Variants in CTNNA2 observed in about 807,000 individuals in gnomAD.
CTNNA2 encodes catenin alpha-2.
A neutral mutation model predicts 101.0 loss-of-function variants in CTNNA2; 42 were observed. The observed-to-expected ratio is 0.42, with a 90% CI of 0.32 to 0.54. CTNNA2 has a LOEUF of 0.54. CTNNA2 is among the 20% of genes least tolerant of loss of function. The pLI, the probability that CTNNA2 is intolerant of heterozygous loss-of-function variation, is 0.14. For missense variants in CTNNA2, 871 were observed against 1,223.1 expected, an observed-to-expected ratio of 0.71 and a Z score of 4.29; for synonymous variants, 450 against 456.4, an observed-to-expected ratio of 0.99 and a Z score of 0.18.
chr2:80,449,097 C>T (rs950972800), intron 9 of CTNNA2, among the ~76,000 whole-genome samples: 8 of 152,014 alleles, frequency 5.3e-5, no homozygotes, highest in African/African-American at 1.9e-4. Flanking sequence ...TAGCAGCCTG[C>T]TTAAGATATC....
intron 3 of CTNNA2, among the ~76,000 whole-genome samples, chr2:79,314,467 TA>T (rs943241661): frequency 1.3e-5 from 2 of 152,042 alleles, no homozygotes; most frequent in African/African-American, 2.4e-5. Context: ...TAAACAGCAA[TA>T]AAAAAAATTC....
At chr2:79,368,108 C>T (rs1677790091) in intron 3 of CTNNA2, among the ~76,000 whole-genome samples, 1 of 152,188 alleles carries the variant, frequency 6.6e-6, no homozygotes, top group African/African-American at 2.4e-5. Context: ...TACCTGTGGA[C>T]ATAGAAGACT....
chr2:79,271,381 C>T (rs1368952), intron 2 of CTNNA2, among the ~76,000 whole-genome samples: 22,435 of 151,912 alleles, frequency 0.15, 1,962 homozygotes, highest in South Asian at 0.26. Flanking sequence ...GCTTTTGTGA[C>T]ATAACAGATA....
chr2:80,514,136 C>T (rs1010128180), intron 9 of CTNNA2, among the ~76,000 whole-genome samples: 1 of 152,134 alleles, frequency 6.6e-6, no homozygotes, highest in East Asian at 1.9e-4. Flanking sequence ...GAGGGTGATG[C>T]AGGAGTTTTT....
chr2:80,382,994 G>A (rs931678339), intron 7 of CTNNA2, among the ~76,000 whole-genome samples: 1 of 152,200 alleles, frequency 6.6e-6, no homozygotes, highest in South Asian at 2.1e-4. Flanking sequence ...TATCTCAACT[G>A]TAAAGATGAA....
At chr2:80,594,225 G>T (rs1177961760) in intron 15 of CTNNA2, among the ~76,000 whole-genome samples, 1 of 151,926 alleles carries the variant, frequency 6.6e-6, no homozygotes, top group Admixed American at 6.6e-5. Flanking sequence ...GTTTTAATTT[G>T]TATTTCCCTA....
intron 2 of CTNNA2, among the ~76,000 whole-genome samples, chr2:79,279,462 G>T (rs534074188): frequency 3.9e-5 from 6 of 152,020 alleles, no homozygotes; most frequent in Non-Finnish European, 5.9e-5. Context: ...GGTAGTTTTC[G>T]TCCATGCCCC....
chr2:79,527,474 C>CAAAAAAAAAAAAAAAA (rs58822666), intron 1 of CTNNA2, among the ~76,000 whole-genome samples: 1 of 85,200 alleles, frequency 1.2e-5, no homozygotes. Context: ...ACTAAAAATA[C>CAAAAAAAAAAAAAAAA]AAAAAAAAAA....
intron 3 of CTNNA2, among the ~76,000 whole-genome samples, chr2:79,745,919 C>T (rs1009914311): frequency 6.6e-6 from 1 of 152,074 alleles, no homozygotes; most frequent in Non-Finnish European, 1.5e-5. Flanking sequence ...GATATAGACT[C>T]AGAGGTGGTA....
chr2:79,651,808 A>T, intron 2 of CTNNA2, 150 bp downstream of exon 2: 1 of 662,224 alleles, frequency 1.5e-6, no homozygotes. Context: ...AACTATGGGC[A>T]ATCTCATTGC....
At chr2:79,892,073 CAT>C (rs751637673) in intron 6 of CTNNA2, among the ~76,000 whole-genome samples, 31 of 152,076 alleles carry the variant, frequency 2.0e-4, no homozygotes, top group African/African-American at 4.6e-4. Context: ...CATTTGTATA[CAT>C]GTTTGCTCTT....
chr2:79,744,289 A>G lies in CTNNA2; in HGVS notation c.103-98A>G, dbSNP rs10167435. 9.6e-3 allele frequency: 11,559 copies of G among 1,201,182 alleles called. 73 individuals carry two copies. The highest frequency in any genetic ancestry group is 0.012 in the Non-Finnish European group (10,174 of 871,566). 74.4% of individuals were successfully genotyped at this position (1,201,182 alleles called of 1,614,324 possible). On this transcript the variant is annotated intron_variant, in intron 2 of 18. Coordinates refer to ENST00000402739, the MANE Select transcript of CTNNA2 (RefSeq NM_001282597.3). ...ATTCATGATTTAGTATTGAAATCCC[A>G]TGATTTAATAAACACGGAGATTTAG... is the stretch of plus-strand genomic sequence containing the variant.
At chr2:80,003,609 C>T (rs571294023) in intron 7 of CTNNA2, among the ~76,000 whole-genome samples, 51 of 152,112 alleles carry the variant, frequency 3.4e-4, no homozygotes, top group African/African-American at 1.0e-3. Flanking sequence ...TCCACAAGTA[C>T]GTGGAAGTGG....
intron 9 of CTNNA2, among the ~76,000 whole-genome samples, chr2:80,466,518 G>C (rs913119185): frequency 6.6e-6 from 1 of 152,024 alleles, no homozygotes; most frequent in African/African-American, 2.4e-5. Context: ...CTTACTAGAG[G>C]AGCCTCTTAA....
intron 7 of CTNNA2, among the ~76,000 whole-genome samples, chr2:80,165,460 T>C (rs998148755): frequency 6.6e-6 from 1 of 152,228 alleles, no homozygotes; most frequent in African/African-American, 2.4e-5. Flanking sequence ...GTTGAAATTA[T>C]CCATTTCTTT....
At chr2:79,393,781 A>G (rs1425139148) in intron 4 of CTNNA2, among the ~76,000 whole-genome samples, 1 of 152,034 alleles carries the variant, frequency 6.6e-6, no homozygotes, top group Non-Finnish European at 1.5e-5. Flanking sequence ...CCAATCAAGA[A>G]CTAATAGTTT....
At chr2:79,279,601 T>C (rs1675308056) in intron 2 of CTNNA2, among the ~76,000 whole-genome samples, 1 of 152,152 alleles carries the variant, frequency 6.6e-6, no homozygotes. Context: ...GGCAATTATG[T>C]ATAACCAAAG....
Position 80,347,429 on chromosome 2 carries a change from C to T in CTNNA2, c.1057-45782C>T, listed in dbSNP as rs76354908. ...TGCTTTGGACTGCTTTAGCAGAGTGCCTGTGTATTATATATGTGCCCACGA... is the reference window on the plus strand; with the variant it reads ...TGCTTTGGACTGCTTTAGCAGAGTGTCTGTGTATTATATATGTGCCCACGA... On this transcript the variant is annotated intron_variant, in intron 7 of 18. Coordinates refer to ENST00000402739, the MANE Select transcript of CTNNA2 (RefSeq NM_001282597.3). Among the ~76,000 whole-genome samples the T allele has an allele frequency of 7.1e-4, 104 of 145,550 alleles. 1 individual carries two copies. The East Asian group carries it at 0.02, about 28-fold the overall frequency.
At chr2:79,616,917 T>C (rs1678661075) in intron 1 of CTNNA2, among the ~76,000 whole-genome samples, 2 of 151,806 alleles carry the variant, frequency 1.3e-5, no homozygotes, top group African/African-American at 4.9e-5. Flanking sequence ...TTCTTTTTTT[T>C]TCGAGACACA....
Sources: gnomAD v4.1 joint callset for allele counts (sites outside exome capture counted in the v4.1 genomes callset) on GRCh38, gnomAD v4.1.1 for gene constraint, MANE v1.5 for transcripts, NCBI Gene and HGNC (gene_info 2026-07-23, HGNC 2026-07-21) for gene names.